Variants in PREPL observed in about 807,000 individuals in gnomAD.
PREPL encodes the protein prolyl endopeptidase-like.
Under a neutral mutation model 70.6 loss-of-function variants are expected in PREPL, and 77 were observed. That is an observed-to-expected ratio of 1.09 (90% CI 0.91 to 1.32). The LOEUF is 1.32. Among genes scored for constraint, PREPL ranks in the 40% most tolerant of loss-of-function variants. The pLI is 0.00. For missense variants in PREPL, 1,002 were observed against 778.2 expected (o/e 1.29, Z -3.42); for synonymous variants, 315 against 264.8 (o/e 1.19, Z -1.84).
At chr2:44,322,395 G>T (rs986256057) in intron 12 of PREPL, among the ~76,000 whole-genome samples, 13 of 152,092 alleles carry the variant, frequency 8.5e-5, no homozygotes, top group Non-Finnish European at 1.5e-4. Flanking sequence ...CTGTCTTTTA[G>T]AGATTCCCAA....
At chr2:44,343,692 A>G (rs1675470055) in intron 4 of PREPL, 53 bp downstream of exon 4, 5 of 1,521,506 alleles carry the variant, frequency 3.3e-6, no homozygotes, top group Admixed American at 1.7e-5. Context: ...AAATGTTTCA[A>G]AAGTGTTACC....
At chr2:44,334,898 A>C (rs1674477002) in intron 7 of PREPL, among the ~76,000 whole-genome samples, 1 of 152,182 alleles carries the variant, frequency 6.6e-6, no homozygotes, top group Middle Eastern at 3.2e-3. Context: ...TCAAGTGCCC[A>C]CCAGGCAGAG....
chr2:44,353,647 G>T (rs902713380), intron 1 of PREPL, among the ~76,000 whole-genome samples: 6 of 151,610 alleles, frequency 4.0e-5, no homozygotes, highest in African/African-American at 1.2e-4. Context: ...TAAATGTGTA[G>T]TACTGGCATA....
intron 6 of PREPL, 134 bp downstream of exon 6, chr2:44,339,013 G>A: frequency 7.2e-7 from 1 of 1,397,098 alleles, no homozygotes; most frequent in South Asian, 1.5e-5. Context: ...TAAGGGAAAA[G>A]AAATGGGATT....
chr2:44,337,047 A>C (rs1444313748), intron 7 of PREPL, among the ~76,000 whole-genome samples: 1 of 152,232 alleles, frequency 6.6e-6, no homozygotes, highest in Non-Finnish European at 1.5e-5. Flanking sequence ...GTTACCTTTC[A>C]TAATTAATAA....
chr2:44,348,780 T>C, intron 1 of PREPL, among the ~76,000 whole-genome samples: 1 of 152,228 alleles, frequency 6.6e-6, no homozygotes, highest in East Asian at 1.9e-4. Flanking sequence ...CTAAAGGAAT[T>C]ACTCCCATGG....
chr2:44,322,813 TTCA>T lies in PREPL; in HGVS notation c.1668_1670del (p.Asp556del). On this transcript the variant is annotated inframe_deletion, in exon 12 of 14. Transcript: ENST00000409411. ...TTACAATTCCTTTCAGAGGTACCCG[TTCA>T]TCGTTTTCATATGCCGTTATGTGAA... 6.2e-7 allele frequency: 1 copy of T among 1,613,830 alleles called. No individual in the cohort carries two copies. The highest frequency in any genetic ancestry group is 8.5e-7 in the Non-Finnish European group (1 of 1,179,742).
chr2:44,334,195 G>C (rs76486835), intron 7 of PREPL, among the ~76,000 whole-genome samples: 1 of 152,180 alleles, frequency 6.6e-6, no homozygotes, highest in Non-Finnish European at 1.5e-5. Flanking sequence ...CAGTGTATCT[G>C]TGTATATTAA....
chr2:44,327,928 C>A (rs1046089838), intron 9 of PREPL, among the ~76,000 whole-genome samples: 2 of 149,780 alleles, frequency 1.3e-5, no homozygotes, highest in East Asian at 2.0e-4. Flanking sequence ...GGCGGGCGGA[C>A]TGCTTGAGCT....
intron 10 of PREPL, among the ~76,000 whole-genome samples, chr2:44,324,580 A>C (rs1673306366): frequency 6.6e-6 from 1 of 152,214 alleles, no homozygotes; most frequent in Admixed American, 6.5e-5. Flanking sequence ...TACAAAATTT[A>C]ATAAAACGAA....
intron 12 of PREPL, 48 bp downstream of exon 12, chr2:44,322,679 TGTGG>T (rs1199881443): frequency 4.0e-5 from 64 of 1,582,094 alleles, no homozygotes; most frequent in Non-Finnish European, 5.2e-5. Context: ...AGCAGTGTGC[TGTGG>T]GTAGTAGTCT....
chr2:44,329,410 C>G (rs988178701), intron 8 of PREPL, among the ~76,000 whole-genome samples: 1 of 152,148 alleles, frequency 6.6e-6, no homozygotes, highest in African/African-American at 2.4e-5. Flanking sequence ...TCTTCACTAC[C>G]TACTATAATT....
chr2:44,359,575 G>A (rs1677438548), intron 1 of PREPL: 1 of 1,613,002 alleles, frequency 6.2e-7, no homozygotes, highest in East Asian at 2.2e-5. Context: ...ACTTGGTTAG[G>A]TGATATTTTT....
At chr2:44,335,087 AT>A (rs930474393) in intron 7 of PREPL, among the ~76,000 whole-genome samples, 6 of 152,212 alleles carry the variant, frequency 3.9e-5, no homozygotes, top group Non-Finnish European at 7.3e-5. Flanking sequence ...ATCAAGAAGT[AT>A]TTAATTCCAC....
chr2:44,346,586 T>G (rs1373826957), intron 1 of PREPL, among the ~76,000 whole-genome samples, 196 bp from the exon 2 acceptor site: 4 of 152,136 alleles, frequency 2.6e-5, no homozygotes, highest in Non-Finnish European at 4.4e-5. Context: ...TTAAAAAAAG[T>G]AAACAAAGTA....
chr2:44,319,297 TGAA>T lies in PREPL; in HGVS notation c.*2056_*2058del, dbSNP rs1672714771. The T allele has an allele frequency of 1.3e-5, 2 of 152,654 alleles. No individual in the cohort carries two copies. Among genetic ancestry groups the T allele is most frequent in the African/African-American group, 4.8e-5 (2 of 41,466 alleles). The allele number at this position is 152,654 out of a possible 1,614,324, so 9.5% of individuals were successfully genotyped here. A position where few individuals can be genotyped will look rare whatever the true frequency, so the allele number is the denominator to read the frequency against. On this transcript the variant is annotated 3_prime_UTR_variant, in exon 14 of 14. Coordinates refer to ENST00000409411, the MANE Select transcript of PREPL (RefSeq NM_001171613.2). ...ATCACTGATTTGGCAACAGCTCTTA[TGAA>T]GAATAATTTGGCATTATGTATCAAG... is the stretch of plus-strand genomic sequence containing the variant.
chr2:44,340,847 G>A (rs1289748317), intron 5 of PREPL, among the ~76,000 whole-genome samples: 1 of 151,136 alleles, frequency 6.6e-6, no homozygotes, highest in South Asian at 2.1e-4. Context: ...AGAATCACTT[G>A]AACCTGGGAC....
At position 44,343,813 on chromosome 2, in the gene PREPL, G is replaced by A. The variant is rs1228373009; in HGVS notation, c.281C>T (p.Thr94Ile). 7 of 1,613,816 alleles carry A rather than the reference G, an allele frequency of 4.3e-6. No homozygotes were observed. The highest frequency in any genetic ancestry group is 1.3e-5 in the African/African-American group (1 of 74,906). The part of the protein sequence containing the change: ...KIRTEDSEAS[T>I]CVIIKLSDQP... Reference sequence around the variant, plus strand: ...ATCGCTGAGCTTTATAATTACACAGGTAGATGCTTCAGAATCTTCAGTTCT... The same window carrying A: ...ATCGCTGAGCTTTATAATTACACAGATAGATGCTTCAGAATCTTCAGTTCT... Residue 94 changes from threonine to isoleucine, a missense_variant, in exon 4 of 14, where the codon ACC (threonine) becomes ATC (isoleucine). Transcript: ENST00000409411.
In PREPL at chr2:44,320,358, T is replaced by C; in HGVS notation, c.*998A>G. 6.2e-7 allele frequency: 1 copy of C among 1,614,122 alleles called. No homozygotes were observed. The highest frequency in any genetic ancestry group is 1.1e-5 in the South Asian group (1 of 91,080). On this transcript the variant is annotated 3_prime_UTR_variant, in exon 14 of 14. Transcript: ENST00000409411. ...AGAGCTGGATGGCATCGACAGAATC[T>C]TTATCGTGGTTCTGAATTTTGGAGA... is the stretch of plus-strand genomic sequence containing the variant.
Sources: gnomAD v4.1 joint callset for allele counts (sites outside exome capture counted in the v4.1 genomes callset) on GRCh38, gnomAD v4.1.1 for gene constraint, MANE v1.5 for transcripts, NCBI Gene and HGNC (gene_info 2026-07-23, HGNC 2026-07-21) for gene names.